Variants in SLC43A3 observed in about 807,000 individuals in gnomAD.
SLC43A3 encodes the protein equilibrative nucleobase transporter 1.
Under a neutral mutation model 53.3 loss-of-function variants are expected in SLC43A3, and 33 were observed. The observed-to-expected ratio is 0.62, with a 90% CI of 0.47 to 0.83. The LOEUF (loss-of-function observed/expected upper bound fraction) is 0.83, where lower values mean the gene tolerates loss of function less well. SLC43A3 is among the 40% of genes least tolerant of loss of function. The probability of loss-of-function intolerance (pLI) is 0.00; values close to 1 mark genes in which losing one functional copy is unlikely to be tolerated. For missense variants in SLC43A3, 530 were observed against 610.0 expected (o/e 0.87, Z 1.38); for synonymous variants, 236 against 246.2 (o/e 0.96, Z 0.39).
At chr11:57,409,857 C>T in intron 12 of SLC43A3, 78 bp downstream of exon 12, 4 of 1,398,380 alleles carry the variant, frequency 2.9e-6, no homozygotes, top group Non-Finnish European at 3.9e-6. Context: ...CCCCGCCTTG[C>T]CTCCCAATTT....
chr11:57,416,315 G>A (rs1365754358), intron 9 of SLC43A3, among the ~76,000 whole-genome samples: 1 of 152,222 alleles, frequency 6.6e-6, no homozygotes, highest in African/African-American at 2.4e-5. Context: ...TGGGGGGAAG[G>A]GAAGGCAACC....
intron 4 of SLC43A3, 49 bp from the exon 5 acceptor site, chr11:57,424,077 C>A: frequency 6.3e-7 from 1 of 1,580,942 alleles, no homozygotes; most frequent in Non-Finnish European, 8.7e-7. Flanking sequence ...AGGGAGAAAC[C>A]TGGGAGAAAA....
At position 57,422,534 on chromosome 11, in the gene SLC43A3, A is replaced by G. The variant is rs142167924; in HGVS notation, c.362-1161T>C. Among the ~76,000 whole-genome samples the G allele has an allele frequency of 3.9e-4, 59 of 152,362 alleles. No individual in the cohort carries two copies. In the East Asian group the frequency reaches 0.011, roughly 29 times the overall value. On this transcript the variant is annotated intron_variant, in intron 5 of 13. Coordinates refer to ENST00000395124, the MANE Select transcript of SLC43A3 (RefSeq NM_199329.3). ...TTAACTACCGTGCTATACCTTAAGA[A>G]GCACTGCCAAGAGCTAATTTTAGAG...
chr11:57,414,748 G>A lies in SLC43A3; in HGVS notation c.944-17C>T. 2 of 1,604,188 alleles carry A rather than the reference G, an allele frequency of 1.2e-6. No individual in the cohort carries two copies. The highest frequency in any genetic ancestry group is 1.3e-5 in the African/African-American group (1 of 74,796). On this transcript the variant is annotated splice_polypyrimidine_tract_variant and intron_variant, in intron 10 of 13. Coordinates refer to ENST00000395124, the MANE Select transcript of SLC43A3 (RefSeq NM_199329.3). ...AGGTGCTGACTGCAGAAGGAAGAGA[G>A]AGGTTGGTTGATGAGAAGTTTCCAA...
intron 7 of SLC43A3, among the ~76,000 whole-genome samples, chr11:57,418,587 T>C (rs1942829597): frequency 6.6e-6 from 1 of 152,072 alleles, no homozygotes. Flanking sequence ...TTCCAGCTAC[T>C]TGGGAGGCTG....
At chr11:57,412,948 G>A (rs893599345) in intron 11 of SLC43A3, among the ~76,000 whole-genome samples, 7 of 151,452 alleles carry the variant, frequency 4.6e-5, no homozygotes, top group South Asian at 2.1e-4. Flanking sequence ...GATCAGACTC[G>A]CAATGTCTAA....
chr11:57,420,906 A>G, intron 7 of SLC43A3, 66 bp downstream of exon 7: 1 of 1,063,098 alleles, frequency 9.4e-7, no homozygotes, highest in Non-Finnish European at 1.5e-6. Flanking sequence ...CAAATAATGC[A>G]GGTTCACAAG....
chr11:57,412,265 A>G (rs970503538), intron 11 of SLC43A3, among the ~76,000 whole-genome samples: 1 of 152,240 alleles, frequency 6.6e-6, no homozygotes, highest in Non-Finnish European at 1.5e-5. Context: ...TAAAGTTTTC[A>G]ATGGCCAAAG....
At chr11:57,414,442 G>A (rs1246995271) in intron 11 of SLC43A3, among the ~76,000 whole-genome samples, 173 bp downstream of exon 11, 2 of 142,856 alleles carry the variant, frequency 1.4e-5, no homozygotes, top group African/African-American at 2.6e-5. Flanking sequence ...AGGAGGTGCA[G>A]GCTGCAATGA....
At chr11:57,422,776 T>A (rs968594984) in intron 5 of SLC43A3, among the ~76,000 whole-genome samples, 1 of 152,208 alleles carries the variant, frequency 6.6e-6, no homozygotes, top group Non-Finnish European at 1.5e-5. Flanking sequence ...CACATTCAGT[T>A]GCTTAAAAAT....
chr11:57,421,426 G>C, intron 5 of SLC43A3, 53 bp from the exon 6 acceptor site: 1 of 1,393,248 alleles, frequency 7.2e-7, no homozygotes, highest in Non-Finnish European at 1.0e-6. Flanking sequence ...CCCAAACATG[G>C]AGCCCCAAAC....
Position 57,410,105 on chromosome 11 carries a change from C to G in SLC43A3, c.1077G>C (p.Ala359=). 6.2e-7 allele frequency: 1 copy of G among 1,603,726 alleles called. No homozygotes were observed. The highest frequency in any genetic ancestry group is 8.5e-7 in the Non-Finnish European group (1 of 1,175,736). The change falls in exon 12 of 14, where the codon GCG becomes GCC. Residue 359 remains alanine, a synonymous_variant. Transcript: ENST00000395124. ...EARKTGSSTL[A]VALCSTVPSL... The stretch of plus-strand genomic sequence containing the variant: ...AAGGCACCGTCGAGCAGAGGGCCAC[C>G]GCCAAAGTGGAGGAACCTGGGCGAA...
At position 57,409,948 on chromosome 11, in the gene SLC43A3, A is replaced by G. The variant is rs1300066885; in HGVS notation, c.1234T>C (p.Phe412Leu). The change falls in exon 12 of 14, where the codon TTC becomes CTC. Residue 412 changes from phenylalanine (F) to leucine (L), a missense_variant. By Grantham distance (22) the Phe-to-Leu change is conservative. Around this residue, in one of 3 missense-constraint regions of SLC43A3, gnomAD observed 124 missense variants for 166.4 expected, o/e 0.75. Coordinates refer to ENST00000395124, the MANE Select transcript of SLC43A3 (RefSeq NM_199329.3). ...RSFLYGSNAA[F>L]LTLAFPSEHF... is the part of the protein sequence containing the mutation. ...AAGGCCACTTACGCAAGGGTGAGGAAGGCCGCGTTGCTCCCATAGAGGAAG... is the reference window on the plus strand; with the variant it reads ...AAGGCCACTTACGCAAGGGTGAGGAGGGCCGCGTTGCTCCCATAGAGGAAG... 1 of 1,611,754 alleles carries G rather than the reference A, an allele frequency of 6.2e-7. No individual in the cohort carries two copies. Among genetic ancestry groups the G allele is most frequent in the East Asian group, 2.2e-5 (1 of 44,868 alleles).
intron 7 of SLC43A3, among the ~76,000 whole-genome samples, chr11:57,419,476 T>C (rs983454053): frequency 1.3e-5 from 2 of 152,178 alleles, no homozygotes; most frequent in African/African-American, 4.8e-5. Flanking sequence ...TTCCTGTTCC[T>C]GCTCCCTTTC....
In SLC43A3 at chr11:57,426,097, C is replaced by A. The variant is rs760973618; in HGVS notation, c.76G>T (p.Val26Phe). ...ACTAGTGAAGGCCAGCCAAAGAGGACGCCAGCAAAGCCCAGGCATTCCAGC... is the reference window on the plus strand; with the variant it reads ...ACTAGTGAAGGCCAGCCAAAGAGGAAGCCAGCAAAGCCCAGGCATTCCAGC... ...GLLECLGFAGVLFGWPSLVFV... is the reference protein window; with the variant it reads ...GLLECLGFAGFLFGWPSLVFV... The change falls in exon 3 of 14, where the codon GTC becomes TTC. Residue 26 changes from valine (V) to phenylalanine (F), a missense_variant. By Grantham distance (50) the Val-to-Phe change is conservative. Around this residue, in one of 3 missense-constraint regions of SLC43A3, gnomAD observed 30 missense variants for 57.0 expected, o/e 0.53. Coordinates refer to ENST00000395124, the MANE Select transcript of SLC43A3 (RefSeq NM_199329.3). 1 of 1,614,110 alleles carries A rather than the reference C, an allele frequency of 6.2e-7. No homozygotes were observed. Among genetic ancestry groups the A allele is most frequent in the African/African-American group, 1.3e-5 (1 of 74,948 alleles).
In SLC43A3 at chr11:57,421,036, G is replaced by A. The variant is rs770119818; in HGVS notation, c.467C>T (p.Ser156Leu). 13 of 1,613,616 alleles carry A rather than the reference G, an allele frequency of 8.1e-6. No individual in the cohort carries two copies. The Admixed American group carries it at 8.3e-5, about 10-fold the overall frequency. The change falls in exon 7 of 14, where the codon TCG becomes TTG. Residue 156 changes from serine to leucine, a missense_variant. Ser to Leu is a moderately radical substitution (Grantham distance 145). This residue lies in a region of SLC43A3 where 376 missense variants were observed against 386.7 expected (regional missense o/e 0.97). Transcript: ENST00000395124. Reference sequence around the variant, plus strand: ...TCCATTGTACAGAGTGATGATGGTCGAACGGTGTTGGCCAAATAGGTTCCC... The same window carrying A: ...TCCATTGTACAGAGTGATGATGGTCAAACGGTGTTGGCCAAATAGGTTCCC... ...QIGNLFGQHR[S>L]TIITLYNGAF...
At position 57,410,043 on chromosome 11, in the gene SLC43A3, G is replaced by A. The variant is rs774692360; in HGVS notation, c.1139C>T (p.Ala380Val). ...ALTSLLCLGF[A>V]LCASVPILPL... The stretch of plus-strand genomic sequence containing the variant: ...GAGGATGGGGACTGAGGCACAGAGG[G>A]CGAAGCCCAGGCACAGCAGGGATGT... Residue 380 changes from alanine (A) to valine (V), a missense_variant, in exon 12 of 14, where the codon GCC (alanine) becomes GTC (valine). This residue lies in a region of SLC43A3 where 124 missense variants were observed against 166.4 expected (regional missense o/e 0.75). Coordinates refer to ENST00000395124, the MANE Select transcript of SLC43A3 (RefSeq NM_199329.3). The A allele has an allele frequency of 1.2e-6, 2 of 1,612,866 alleles. No homozygotes were observed. The highest frequency in any genetic ancestry group is 2.2e-5 in the East Asian group (1 of 44,860).
At chr11:57,421,273 C>A (rs1404065633) in intron 6 of SLC43A3, 24 bp downstream of exon 6, 2 of 1,587,532 alleles carry the variant, frequency 1.3e-6, no homozygotes, top group South Asian at 2.2e-5. Context: ...CTGCCGAGTG[C>A]CTGGGATTAG....
intron 11 of SLC43A3, 72 bp from the exon 12 acceptor site, chr11:57,410,193 G>T: frequency 7.8e-7 from 1 of 1,286,848 alleles, no homozygotes. Flanking sequence ...GGCCAAGGAA[G>T]ATTGGAAAAA....
Sources: allele counts gnomAD v4.1 joint callset (sites outside exome capture counted in the v4.1 genomes callset), GRCh38; gene constraint gnomAD v4.1.1; regional missense constraint gnomAD v4.1.1; transcripts MANE v1.5; gene names NCBI Gene and HGNC (gene_info 2026-07-23, HGNC 2026-07-21).